Variants in GTF2F2 observed in about 807,000 individuals in gnomAD.
GTF2F2 encodes the protein general transcription factor IIF subunit 2, also known as ATP-dependent helicase GTF2F2.
Under a neutral mutation model 42.2 loss-of-function variants are expected in GTF2F2, and 23 were observed. The observed-to-expected ratio is 0.55, with a 90% CI of 0.39 to 0.77. The LOEUF is 0.77. Ranked by LOEUF, GTF2F2 falls within the 30% of genes least tolerant of loss-of-function variation. The pLI, the probability that GTF2F2 is intolerant of heterozygous loss-of-function variation, is 0.00. For synonymous variants in GTF2F2, 105 were observed against 100.8 expected (o/e 1.04, Z -0.25); for missense variants, 261 against 287.2 (o/e 0.91, Z 0.66).
intron 5 of GTF2F2, among the ~76,000 whole-genome samples, chr13:45,217,453 T>G (rs963134771): frequency 5.3e-5 from 8 of 152,212 alleles, no homozygotes; most frequent in Non-Finnish European, 1.0e-4. Context: ...TTATTACTTT[T>G]GTTTCTGTCT....
chr13:45,152,767 A>C (rs928513527), intron 4 of GTF2F2, among the ~76,000 whole-genome samples: 1 of 152,160 alleles, frequency 6.6e-6, no homozygotes, highest in Non-Finnish European at 1.5e-5. Flanking sequence ...TGTGGCACAC[A>C]CTCAGCTTGA....
intron 4 of GTF2F2, among the ~76,000 whole-genome samples, chr13:45,168,779 G>GCTTCCTTCCTTCCTTC (rs368098791): frequency 9.6e-5 from 12 of 125,532 alleles, no homozygotes; most frequent in East Asian, 2.6e-4. Flanking sequence ...CACCTGGCTG[G>GCTTCCTTCCTTCCTTC]CTTCCTTCCT....
At chr13:45,267,160 A>C in intron 6 of GTF2F2, 73 bp from the exon 7 acceptor site, 3 of 1,337,370 alleles carry the variant, frequency 2.2e-6, no homozygotes, top group Non-Finnish European at 3.1e-6. Flanking sequence ...AAAAAAAAAA[A>C]AAAGAGAATG....
chr13:45,168,958 CCCTCCTTA>C (rs1314747697), intron 4 of GTF2F2, among the ~76,000 whole-genome samples: 3 of 131,238 alleles, frequency 2.3e-5, no homozygotes, highest in African/African-American at 2.8e-5. Flanking sequence ...TTCCCTCTTT[CCCTCCTTA>C]CCTCCTTCCC....
intron 1 of GTF2F2, among the ~76,000 whole-genome samples, chr13:45,121,713 C>G (rs944573293): frequency 1.3e-5 from 2 of 152,112 alleles, no homozygotes; most frequent in African/African-American, 2.4e-5. Context: ...CCTGTCATAC[C>G]CAGAATAGTG....
intron 5 of GTF2F2, among the ~76,000 whole-genome samples, chr13:45,209,906 C>G (rs1873564066): frequency 6.6e-6 from 1 of 152,088 alleles, no homozygotes; most frequent in South Asian, 2.1e-4. Flanking sequence ...CCTCTCACAC[C>G]CCACATCCAA....
intron 4 of GTF2F2, chr13:45,194,463 C>T (rs1872790021): frequency 1.2e-6 from 2 of 1,614,006 alleles, no homozygotes; most frequent in African/African-American, 2.7e-5. Flanking sequence ...CGTTGAGGGT[C>T]ATCAGTGTGG....
chr13:45,139,713 C>T (rs762878195), intron 2 of GTF2F2, among the ~76,000 whole-genome samples: 8 of 152,180 alleles, frequency 5.3e-5, no homozygotes, highest in African/African-American at 1.9e-4. Context: ...TTGTTCATAT[C>T]GCCTACTAAA....
rs1229071334 is a variant in GTF2F2 at position 45,284,085 on chromosome 13, A to T, written c.*524A>T. 6.6e-6 allele frequency: 1 copy of T among 152,238 alleles called. No individual in the cohort carries two copies. Among genetic ancestry groups the T allele is most frequent in the African/African-American group, 2.4e-5 (1 of 41,464 alleles). The allele number at this position is 152,238 out of a possible 1,614,324, so 9.4% of individuals were successfully genotyped here. On this transcript the variant is annotated 3_prime_UTR_variant, in exon 8 of 8. Transcript: ENST00000340473. Reference sequence around the variant, plus strand: ...CGTGTTCATACTCAACGTTAATAAAAGGAGAGAGTTTGTAGTGAAATGGCA... The same window carrying T: ...CGTGTTCATACTCAACGTTAATAAATGGAGAGAGTTTGTAGTGAAATGGCA...
intron 5 of GTF2F2, among the ~76,000 whole-genome samples, chr13:45,218,768 T>TA (rs150957969): frequency 0.012 from 1,894 of 152,340 alleles, 42 homozygotes; most frequent in African/African-American, 0.04. Flanking sequence ...CTGGGATTGT[T>TA]AAATGCTGTT....
chr13:45,153,050 G>A (rs1870573733), intron 4 of GTF2F2, among the ~76,000 whole-genome samples: 1 of 146,944 alleles, frequency 6.8e-6, no homozygotes, highest in South Asian at 2.1e-4. Context: ...TTGCTCTGTC[G>A]CCCAGCTGGA....
chr13:45,165,566 C>T (rs1016186265), intron 4 of GTF2F2, among the ~76,000 whole-genome samples: 1 of 144,558 alleles, frequency 6.9e-6, no homozygotes, highest in Non-Finnish European at 1.5e-5. Context: ...CCACTGCCCT[C>T]GCCCCCCCCC....
In GTF2F2 at chr13:45,283,765, C is replaced by T. The variant is rs753746164; in HGVS notation, c.*204C>T. The T allele has an allele frequency of 6.8e-6, 2 of 296,214 alleles. No individual in the cohort carries two copies. The highest frequency in any genetic ancestry group is 5.0e-5 in the Admixed American group (1 of 19,876). The allele number at this position is 296,214 out of a possible 1,614,324, so 18.3% of individuals were successfully genotyped here. ...GAGAAAGAACAGATTTATTTATAGACTTAACTTGTATTAAACCAGATTATT... is the reference window on the plus strand; with the variant it reads ...GAGAAAGAACAGATTTATTTATAGATTTAACTTGTATTAAACCAGATTATT... On this transcript the variant is annotated 3_prime_UTR_variant, in exon 8 of 8. Transcript: ENST00000340473.
chr13:45,267,174 G>T, intron 6 of GTF2F2, 59 bp from the exon 7 acceptor site: 1 of 1,373,626 alleles, frequency 7.3e-7, no homozygotes. Context: ...GAGAATGCCT[G>T]TGTTTTAGAG....
chr13:45,255,593 G>T (rs907982374), intron 6 of GTF2F2, among the ~76,000 whole-genome samples: 1 of 152,210 alleles, frequency 6.6e-6, no homozygotes, highest in Non-Finnish European at 1.5e-5. Context: ...ATAGATTAAA[G>T]TCCACATCTT....
chr13:45,131,482 A>G (rs974696684), intron 1 of GTF2F2, among the ~76,000 whole-genome samples: 8 of 152,226 alleles, frequency 5.3e-5, no homozygotes, highest in African/African-American at 1.7e-4. Flanking sequence ...GGAGATCCTA[A>G]TAACCCTGTG....
chr13:45,202,247 C>A (rs993336049), intron 4 of GTF2F2, among the ~76,000 whole-genome samples: 1 of 152,072 alleles, frequency 6.6e-6, no homozygotes, highest in Non-Finnish European at 1.5e-5. Flanking sequence ...ATTAGCCTGG[C>A]GCAGTGGCAC....
At chr13:45,273,709 C>T (rs1457119137) in intron 7 of GTF2F2, among the ~76,000 whole-genome samples, 1 of 141,932 alleles carries the variant, frequency 7.0e-6, no homozygotes, top group Non-Finnish European at 1.5e-5. Flanking sequence ...GGCTGGAGTG[C>T]AATGGCGCGA....
chr13:45,201,266 G>A (rs1179701506), intron 4 of GTF2F2, among the ~76,000 whole-genome samples: 1 of 152,148 alleles, frequency 6.6e-6, no homozygotes, highest in Non-Finnish European at 1.5e-5. Flanking sequence ...CCAGCATAGA[G>A]CACAAATTTA....
Sources: gnomAD v4.1 joint callset for allele counts (sites outside exome capture counted in the v4.1 genomes callset) on GRCh38, gnomAD v4.1.1 for gene constraint, MANE v1.5 for transcripts, NCBI Gene and HGNC (gene_info 2026-07-23, HGNC 2026-07-21) for gene names.